The following NBPF12 variants were observed in gnomAD, a reference collection of about 807,000 sequenced individuals.
The protein encoded by NBPF12 is NBPF member 12, also known as NBPF family member NBPF12.
In NBPF12, 115 loss-of-function variants were observed where a neutral mutation model predicts 146.4. The observed-to-expected ratio is 0.79, with a 90% CI of 0.68 to 0.92. The LOEUF (loss-of-function observed/expected upper bound fraction) is 0.92. Among genes scored for constraint, NBPF12 ranks in the 40% least tolerant of loss-of-function variants. The probability of loss-of-function intolerance (pLI) is 0.00; values close to 1 mark genes in which losing one functional copy is unlikely to be tolerated. For missense variants in NBPF12, 1,205 were observed against 1,326.8 expected (o/e 0.91, Z 1.43); for synonymous variants, 385 against 508.9 (o/e 0.76, Z 3.28).
intron 1 of NBPF12, among the ~76,000 whole-genome samples, chr1:146,950,102 C>T (rs1190879361): frequency 6.6e-6 from 1 of 152,072 alleles, no homozygotes; most frequent in Admixed American, 6.5e-5. Flanking sequence ...TCAGAAATTC[C>T]ATCTACCACA....
intron 19 of NBPF12, among the ~76,000 whole-genome samples, chr1:146,980,170 G>A (rs1657279630): frequency 6.6e-6 from 1 of 152,010 alleles, no homozygotes; most frequent in Non-Finnish European, 1.5e-5. Context: ...TTGCTTGGTA[G>A]AACTTCCTCC....
At chr1:146,952,783 G>A (rs1253772871) in intron 2 of NBPF12, among the ~76,000 whole-genome samples, 3 of 150,050 alleles carry the variant, frequency 2.0e-5, no homozygotes, top group Admixed American at 6.7e-5. Flanking sequence ...GTGGGCACCC[G>A]ATGGAGCCTG....
At position 146,968,832 on chromosome 1, in the gene NBPF12, A is replaced by G. The variant is rs1303264006; in HGVS notation, c.1091+282A>G. Among the ~76,000 whole-genome samples the G allele has an allele frequency of 2.1e-3, 317 of 151,618 alleles. 5 individuals carry two copies. The highest frequency in any genetic ancestry group is 7.6e-3 in the African/African-American group (311 of 41,018). On this transcript the variant is annotated intron_variant, in intron 10 of 33. Coordinates refer to ENST00000617844, the Ensembl canonical transcript of NBPF12. ...TTAACCAAAGGAGTGTGAACCACAC[A>G]GCAGCATTCAGTATACTCAAAATGG...
chr1:146,969,881 G>A (rs1456943628), intron 11 of NBPF12, among the ~76,000 whole-genome samples: 3 of 150,868 alleles, frequency 2.0e-5, no homozygotes, highest in Admixed American at 6.6e-5. Context: ...GTGATGGGAG[G>A]GCGCTTGTTG....
chr1:146,988,025 C>T (rs1657909362), exon 26 of NBPF12: 1 of 658,302 alleles, frequency 1.5e-6, no homozygotes, highest in East Asian at 2.7e-5. Flanking sequence ...TGTTATTCAA[C>T]TCCTTCCAGT....
intron 13 of NBPF12, among the ~76,000 whole-genome samples, chr1:146,971,805 C>T (rs1656636929): frequency 6.6e-6 from 1 of 150,416 alleles, no homozygotes; most frequent in Non-Finnish European, 1.5e-5. Flanking sequence ...CTTGGCCAGG[C>T]GCGGTGGCTC....
At chr1:146,951,312 G>A (rs1201828186) in intron 1 of NBPF12, 36 bp from the exon 5 acceptor site, 11 of 687,932 alleles carry the variant, frequency 1.6e-5, no homozygotes, top group Middle Eastern at 3.8e-4. Context: ...CTTTTCCTCT[G>A]GGGAGGTAAA....
chr1:146,944,521 C>T (rs1353882761), upstream of NBPF12, among the ~76,000 whole-genome samples: 5 of 149,168 alleles, frequency 3.4e-5, no homozygotes, highest in African/African-American at 5.0e-5. Flanking sequence ...GGGAAGGTTG[C>T]GGCCTGGTGT....
At position 146,967,937 on chromosome 1, in the gene NBPF12, C is replaced by T. The variant is rs1553885844; in HGVS notation, c.989-511C>T. ...ATGGTGTTATGTGTCACACTTTATG[C>T]TTCAGATATGATTCTTAAAATCATA... On this transcript the variant is annotated intron_variant, in intron 9 of 33. Coordinates refer to ENST00000617844, the Ensembl canonical transcript of NBPF12. 3.0e-3 allele frequency among the ~76,000 whole-genome samples: 437 copies of T among 144,486 alleles called. 5 individuals are homozygous for T. Among genetic ancestry groups the T allele is most frequent in the African/African-American group, 0.011 (422 of 37,774 alleles). The allele number at this position is 144,486 out of a possible 152,430, so 94.8% of individuals were successfully genotyped here.
At chr1:146,981,368 T>C (rs1431679929) in intron 19 of NBPF12, among the ~76,000 whole-genome samples, 24 of 146,884 alleles carry the variant, frequency 1.6e-4, no homozygotes, top group Non-Finnish European at 3.1e-4. Flanking sequence ...AAAAAAAGAA[T>C]GTTGAATATT....
At chr1:146,994,388 A>T (rs1349162883) in exon 34 of NBPF12, 1 of 1,612,402 alleles carries the variant, frequency 6.2e-7, no homozygotes, top group Non-Finnish European at 8.5e-7. Flanking sequence ...GACTCACTGG[A>T]TAGATGTTAT....
In NBPF12 at chr1:146,956,164, C is replaced by T. The variant is rs1437695928; in HGVS notation, c.-183-3695C>T. Among the ~76,000 whole-genome samples, 469 of 151,754 alleles carry T rather than the reference C, an allele frequency of 3.1e-3. 1 individual carries two copies. Among genetic ancestry groups the T allele is most frequent in the Non-Finnish European group, 3.0e-3 (206 of 67,972 alleles). ...AATAATAAGTGAAAGTACAAACATA[C>T]ATGGTATAGCCACATGAAGGAATAC... On this transcript the variant is annotated intron_variant, in intron 2 of 33. Transcript: ENST00000617844.
At chr1:146,940,295 A>T (rs1367323358) in intron 1 of NBPF12, among the ~76,000 whole-genome samples, 1 of 151,958 alleles carries the variant, frequency 6.6e-6, no homozygotes, top group African/African-American at 2.4e-5. Context: ...TATACAGAAG[A>T]AGTTCACAAT....
At chr1:146,973,575 G>T (rs1289325324) in intron 14 of NBPF12, among the ~76,000 whole-genome samples, 3 of 149,296 alleles carry the variant, frequency 2.0e-5, no homozygotes, top group Non-Finnish European at 3.0e-5. Flanking sequence ...AGAGCACGAG[G>T]TCAGGAGTTT....
chr1:146,994,524 G>C (rs782480905), exon 34 of NBPF12: 3 of 1,609,544 alleles, frequency 1.9e-6, no homozygotes, highest in Non-Finnish European at 2.5e-6. Context: ...TTACTTTGAC[G>C]GTGACAAGTC....
chr1:146,945,627 G>A (rs1408293199), upstream of NBPF12, among the ~76,000 whole-genome samples: 1 of 150,632 alleles, frequency 6.6e-6, no homozygotes, highest in South Asian at 2.1e-4. Context: ...TTAAAAAAAA[G>A]TAATAGATGT....
At chr1:146,944,542 A>G (rs1424236105), upstream of NBPF12, among the ~76,000 whole-genome samples, 1 of 150,154 alleles carries the variant, frequency 6.7e-6, no homozygotes, top group Non-Finnish European at 1.5e-5. Context: ...TCTGGGATCC[A>G]CTGTCTCATC....
chr1:146,947,722 T>C (rs1196930748), upstream of NBPF12, among the ~76,000 whole-genome samples: 2 of 145,608 alleles, frequency 1.4e-5, no homozygotes, highest in East Asian at 2.0e-4. Context: ...GACTTCATTA[T>C]ATTTACATTT....
At position 146,984,210 on chromosome 1, in the gene NBPF12, T is replaced by A; in HGVS notation, c.2666+25T>A. On this transcript the variant is annotated intron_variant, in intron 21 of 33. Transcript: ENST00000617844. Reference sequence around the variant, plus strand: ...GGTGAGTCTGAGAAATTGTGGACAGTTAATTTGATGTTGACACCTGGAGAT... The same window carrying A: ...GGTGAGTCTGAGAAATTGTGGACAGATAATTTGATGTTGACACCTGGAGAT... The A allele has an allele frequency of 1.3e-5, 10 of 771,870 alleles. 1 individual carries two copies. In the South Asian group the frequency reaches 1.4e-4, roughly 11 times the overall value. The allele number at this position is 771,870 out of a possible 1,614,324, so 47.8% of individuals were successfully genotyped here. A position where few individuals can be genotyped will look rare whatever the true frequency, so the allele number is the denominator to read the frequency against.
Sources: allele counts gnomAD v4.1 joint callset (sites outside exome capture counted in the v4.1 genomes callset), GRCh38; gene constraint gnomAD v4.1.1; transcripts MANE v1.5; gene names NCBI Gene and HGNC (gene_info 2026-07-23, HGNC 2026-07-21).